TRABD2B: variants seen among roughly 807,000 people sequenced by gnomAD.
TRABD2B encodes the protein TraB domain containing 2B.
In TRABD2B, 14 loss-of-function variants were observed where a neutral mutation model predicts 40.1. The observed-to-expected ratio is 0.35, with a 90% CI of 0.23 to 0.55. The LOEUF (loss-of-function observed/expected upper bound fraction) is 0.55, where lower values mean the gene tolerates loss of function less well. TRABD2B is among the 20% of genes least tolerant of loss of function. The pLI is 0.90. For missense variants in TRABD2B, 541 were observed against 648.6 expected, an observed-to-expected ratio of 0.83 and a Z score of 1.80; for synonymous variants, 263 against 277.0, an observed-to-expected ratio of 0.95 and a Z score of 0.50.
intron 2 of TRABD2B, among the ~76,000 whole-genome samples, chr1:47,922,432 A>G (rs1228949067): frequency 1.3e-5 from 2 of 152,166 alleles, no homozygotes; most frequent in Non-Finnish European, 2.9e-5. Flanking sequence ...AAGGTGGATC[A>G]TAACACAGAG....
rs549971746 is a variant in TRABD2B, at chr1:47,979,002, T to G, written c.666+15032A>C. On this transcript the variant is annotated intron_variant, in intron 2 of 6. Coordinates refer to ENST00000606738, the MANE Select transcript of TRABD2B (RefSeq NM_001194986.2). ...GTCCAGTCAAAGCCCTTAGGGCCCC[T>G]TTGGAAATGGAGGATCAGGGGGATG... Among the ~76,000 whole-genome samples, 4 of 152,102 alleles carry G rather than the reference T, an allele frequency of 2.6e-5. No homozygotes were observed. The East Asian group carries it at 7.8e-4, about 30-fold the overall frequency.
chr1:47,853,525 A>T (rs565794566), intron 2 of TRABD2B, among the ~76,000 whole-genome samples: 1 of 152,138 alleles, frequency 6.6e-6, no homozygotes, highest in Non-Finnish European at 1.5e-5. Flanking sequence ...ACCTTTCCAC[A>T]TATTTCAGAA....
chr1:47,912,525 C>T (rs1439581584), intron 2 of TRABD2B, among the ~76,000 whole-genome samples: 2 of 152,218 alleles, frequency 1.3e-5, no homozygotes, highest in Non-Finnish European at 2.9e-5. Flanking sequence ...TCCATCCCAC[C>T]ACCTGGGATT....
At chr1:47,821,472 C>T (rs747365074) in intron 2 of TRABD2B, among the ~76,000 whole-genome samples, 7 of 152,196 alleles carry the variant, frequency 4.6e-5, no homozygotes, top group Non-Finnish European at 1.0e-4. Flanking sequence ...AAATGAATAG[C>T]CCCAAATATC....
chr1:47,958,053 T>G (rs1255586389), intron 2 of TRABD2B, among the ~76,000 whole-genome samples: 2 of 152,158 alleles, frequency 1.3e-5, no homozygotes, highest in Admixed American at 1.3e-4. Context: ...GGGGTCAATA[T>G]TCAACATTCT....
intron 2 of TRABD2B, among the ~76,000 whole-genome samples, chr1:47,942,170 T>G (rs928586917): frequency 6.6e-6 from 1 of 152,206 alleles, no homozygotes; most frequent in Non-Finnish European, 1.5e-5. Context: ...CTCTTCCTTC[T>G]TTTGTTCTCA....
intron 3 of TRABD2B, 103 bp from the exon 4 acceptor site, chr1:47,794,863 C>A: frequency 8.9e-7 from 1 of 1,124,810 alleles, no homozygotes; most frequent in Non-Finnish European, 1.2e-6. Context: ...CTCACTGCAG[C>A]CTCAACTCTC....
chr1:47,837,944 A>G (rs1488388357), intron 2 of TRABD2B, among the ~76,000 whole-genome samples: 2 of 152,220 alleles, frequency 1.3e-5, no homozygotes, highest in East Asian at 3.9e-4. Flanking sequence ...CTACAGAGTG[A>G]GAAGGTGGAG....
chr1:47,882,360 T>C (rs1644317556), intron 2 of TRABD2B, among the ~76,000 whole-genome samples: 1 of 152,208 alleles, frequency 6.6e-6, no homozygotes, highest in African/African-American at 2.4e-5. Context: ...CTGAGTCTGA[T>C]TCCTCATCCC....
At chr1:47,904,401 T>C (rs185296017) in intron 2 of TRABD2B, among the ~76,000 whole-genome samples, 91 of 147,246 alleles carry the variant, frequency 6.2e-4, no homozygotes, top group African/African-American at 2.3e-3. Flanking sequence ...TATATGATGG[T>C]TCCTTTCCCA....
At chr1:47,909,690 T>C (rs1644731308) in intron 2 of TRABD2B, among the ~76,000 whole-genome samples, 1 of 149,596 alleles carries the variant, frequency 6.7e-6, no homozygotes, top group African/African-American at 2.5e-5. Flanking sequence ...AAGACATTCA[T>C]GAAGGATCCG....
At chr1:47,794,803 T>TC in intron 3 of TRABD2B, 43 bp from the exon 4 acceptor site, 1 of 1,457,128 alleles carries the variant, frequency 6.9e-7, no homozygotes, top group Non-Finnish European at 9.0e-7. Context: ...TTTTTTTTTT[T>TC]TTTTTTTTTG....
intron 2 of TRABD2B, among the ~76,000 whole-genome samples, chr1:47,980,952 T>G (rs1276855826): frequency 6.6e-6 from 1 of 152,204 alleles, no homozygotes; most frequent in African/African-American, 2.4e-5. Flanking sequence ...AGAAGGGCTG[T>G]CGCCTCTACT....
intron 2 of TRABD2B, among the ~76,000 whole-genome samples, chr1:47,904,568 GA>G (rs1644650483): frequency 1.3e-5 from 2 of 152,052 alleles, no homozygotes; most frequent in African/African-American, 4.8e-5. Context: ...GGGTGCTTGC[GA>G]AAAGCCCCAG....
At chr1:47,969,117 C>T (rs979571827) in intron 2 of TRABD2B, among the ~76,000 whole-genome samples, 4 of 152,218 alleles carry the variant, frequency 2.6e-5, no homozygotes, top group Non-Finnish European at 5.9e-5. Flanking sequence ...ATTAGGTCCT[C>T]GTTAACATAG....
intron 2 of TRABD2B, among the ~76,000 whole-genome samples, chr1:47,960,097 A>G (rs1483116606): frequency 6.6e-6 from 1 of 152,226 alleles, no homozygotes; most frequent in Non-Finnish European, 1.5e-5. Context: ...ATATAAACAG[A>G]ACCAAAAGAC....
At chr1:47,853,138 T>C (rs533248349) in intron 2 of TRABD2B, among the ~76,000 whole-genome samples, 1 of 152,238 alleles carries the variant, frequency 6.6e-6, no homozygotes, top group East Asian at 1.9e-4. Context: ...GGGGGCTTGG[T>C]TGATGCTAGG....
At chr1:47,913,097 C>G (rs1024261200) in intron 2 of TRABD2B, among the ~76,000 whole-genome samples, 1 of 152,208 alleles carries the variant, frequency 6.6e-6, no homozygotes, top group Non-Finnish European at 1.5e-5. Context: ...CTCTGTAGCC[C>G]TCTCTTTAGC....
At chr1:47,794,544 C>G in intron 4 of TRABD2B, 42 bp downstream of exon 4, 1 of 1,482,158 alleles carries the variant, frequency 6.7e-7, no homozygotes, top group Non-Finnish European at 9.0e-7. Context: ...AGCAAATCTC[C>G]CAGGATTCTG....
Sources: gnomAD v4.1 joint callset for allele counts (sites outside exome capture counted in the v4.1 genomes callset) on GRCh38, gnomAD v4.1.1 for gene constraint, MANE v1.5 for transcripts, NCBI Gene and HGNC (gene_info 2026-07-23, HGNC 2026-07-21) for gene names.